The following CNST variants were observed in gnomAD, a reference collection of about 807,000 sequenced individuals.
The protein encoded by CNST is consortin.
Under a neutral mutation model 72.4 loss-of-function variants are expected in CNST, and 39 were observed. The observed-to-expected ratio is 0.54, with a 90% CI of 0.42 to 0.70. The LOEUF (loss-of-function observed/expected upper bound fraction) is 0.70. Ranked by LOEUF, CNST falls within the 30% of genes least tolerant of loss-of-function variation. CNST has a pLI of 0.00. For synonymous variants in CNST, 332 were observed against 320.1 expected, an observed-to-expected ratio of 1.04 and a Z score of -0.40; for missense variants, 871 against 868.5, an observed-to-expected ratio of 1.00 and a Z score of -0.04.
intron 1 of CNST, among the ~76,000 whole-genome samples, chr1:246,582,126 T>C (rs1660824011): frequency 6.6e-6 from 1 of 152,204 alleles, no homozygotes; most frequent in Non-Finnish European, 1.5e-5. Context: ...ATCCATATGC[T>C]AAGAGTTATC....
At chr1:246,661,176 G>A (rs977673554) in intron 10 of CNST, among the ~76,000 whole-genome samples, 1 of 151,426 alleles carries the variant, frequency 6.6e-6, no homozygotes, top group Non-Finnish European at 1.5e-5. Context: ...CACCATGTTG[G>A]TCAGGCTGGT....
At chr1:246,626,841 A>T (rs1401957419) in intron 3 of CNST, among the ~76,000 whole-genome samples, 1 of 151,938 alleles carries the variant, frequency 6.6e-6, no homozygotes, top group East Asian at 1.9e-4. Context: ...AGATGTACAA[A>T]CTCAAACTTT....
chr1:246,639,502 T>G (rs1447871545), intron 6 of CNST, among the ~76,000 whole-genome samples: 2 of 151,952 alleles, frequency 1.3e-5, no homozygotes, highest in Non-Finnish European at 2.9e-5. Flanking sequence ...TAGGCCTAGG[T>G]AGGTGACTGA....
intron 8 of CNST, among the ~76,000 whole-genome samples, chr1:246,646,205 G>A (rs959754860): frequency 2.0e-5 from 3 of 148,644 alleles, no homozygotes; most frequent in South Asian, 2.1e-4. Flanking sequence ...GTGTGAACCC[G>A]GGAGGCGGAG....
chr1:246,602,370 A>AC (rs1434178359), intron 2 of CNST, among the ~76,000 whole-genome samples: 2 of 152,154 alleles, frequency 1.3e-5, no homozygotes, highest in African/African-American at 4.8e-5. Flanking sequence ...ATGAGGTTGC[A>AC]GTCAAGGGTT....
Position 246,667,122 on chromosome 1 carries a change from A to G in CNST, c.*1217A>G, listed in dbSNP as rs1314239267. Reference sequence around the variant, plus strand: ...CCTTGCTTTGACTTTATCGGGCAGCATTAAAAAAAAAACAACAAAGAAAAA... The same window carrying G: ...CCTTGCTTTGACTTTATCGGGCAGCGTTAAAAAAAAAACAACAAAGAAAAA... On this transcript the variant is annotated 3_prime_UTR_variant, in exon 11 of 11. Coordinates refer to ENST00000366513, the MANE Select transcript of CNST (RefSeq NM_152609.3). 3.3e-5 allele frequency: 5 copies of G among 151,872 alleles called. No individual in the cohort carries two copies. The highest frequency in any genetic ancestry group is 2.6e-4 in the Admixed American group (4 of 15,244). 9.4% of individuals were successfully genotyped at this position (151,872 alleles called of 1,614,324 possible).
At chr1:246,582,800 G>T (rs972845252) in intron 1 of CNST, among the ~76,000 whole-genome samples, 1 of 152,170 alleles carries the variant, frequency 6.6e-6, no homozygotes, top group African/African-American at 2.4e-5. Flanking sequence ...CCTCAGGTAC[G>T]AGTAGAATGG....
At chr1:246,621,312 G>C in intron 2 of CNST, 117 bp from the exon 3 acceptor site, 2 of 748,696 alleles carry the variant, frequency 2.7e-6, no homozygotes, top group Admixed American at 2.0e-5. Context: ...TTACCTTCCT[G>C]TTCAGGTCTG....
intron 9 of CNST, among the ~76,000 whole-genome samples, chr1:246,653,552 G>A (rs191612578): frequency 1.3e-5 from 2 of 152,142 alleles, no homozygotes; most frequent in Non-Finnish European, 2.9e-5. Flanking sequence ...AACAATGGTT[G>A]GCCCAGAATT....
chr1:246,605,226 G>A (rs1662636563), intron 2 of CNST, among the ~76,000 whole-genome samples: 2 of 152,222 alleles, frequency 1.3e-5, no homozygotes, highest in South Asian at 4.1e-4. Flanking sequence ...GAATTTAATC[G>A]GATTTGAAAA....
In CNST at chr1:246,621,494, G is replaced by A. The variant is rs202075750; in HGVS notation, c.445G>A (p.Val149Ile). ...AGTACTAAGCGCAGTCACATATGCT[G>A]TTGATGATGAAGAAGCTGCTGAAGT... ...EKVLSAVTYAVDDEEAAEVNA... is the reference protein window; with the variant it reads ...EKVLSAVTYAIDDEEAAEVNA... Residue 149 changes from valine to isoleucine, a missense_variant, in exon 3 of 11, where the codon GTT (valine) becomes ATT (isoleucine). Val to Ile is a conservative substitution (Grantham distance 29). Transcript: ENST00000366513. 13 of 1,614,058 alleles carry A rather than the reference G, an allele frequency of 8.1e-6. No individual in the cohort carries two copies. The Middle Eastern group carries it at 6.6e-4, about 82-fold the overall frequency.
intron 1 of CNST, among the ~76,000 whole-genome samples, chr1:246,567,260 A>G (rs1034057599): frequency 4.6e-5 from 7 of 152,182 alleles, no homozygotes; most frequent in African/African-American, 1.7e-4. Context: ...TCCTTATGTA[A>G]ACTTAGTCAA....
intron 2 of CNST, among the ~76,000 whole-genome samples, chr1:246,612,740 A>G (rs1210295623): frequency 6.6e-6 from 1 of 152,008 alleles, no homozygotes; most frequent in South Asian, 2.1e-4. Context: ...ACATACAAAA[A>G]TTAGCCAGGG....
chr1:246,623,898 C>CAA (rs201954021), intron 3 of CNST, among the ~76,000 whole-genome samples: 60,752 of 138,470 alleles, frequency 0.44, 14,816 homozygotes, highest in Non-Finnish European at 0.54. Flanking sequence ...CTTGTCTCTA[C>CAA]AAAAAAAAAA....
In CNST at chr1:246,645,423, A is replaced by ATTTTT. The variant is rs762655117; in HGVS notation, c.938-1716_938-1715insTTTTT. Among the ~76,000 whole-genome samples the ATTTTT allele has an allele frequency of 1.5e-4, 16 of 106,070 alleles. 1 individual carries two copies. The highest frequency in any genetic ancestry group is 5.2e-4 in the African/African-American group (15 of 28,652). 69.6% of individuals were successfully genotyped at this position (106,070 alleles called of 152,430 possible). On this transcript the variant is annotated intron_variant, in intron 8 of 10. Transcript: ENST00000366513. ...AACATATTAGTATAAAAAGGTTAAA[A>ATTTTT]CTTTTTTTTTTTTTTTTTTTTTGAG...
In CNST at chr1:246,619,496, C is replaced by T. The variant is rs747970122; in HGVS notation, c.380-1933C>T. 1.8e-4 allele frequency among the ~76,000 whole-genome samples: 28 copies of T among 152,198 alleles called. 1 individual carries two copies. Among genetic ancestry groups the T allele is most frequent in the Non-Finnish European group, 4.0e-4 (27 of 68,010 alleles). ...ACTGGAATAACCCCTGTGCTGCCAGCGTTGATGTGAAATAGAAGATGACAT... is the reference window on the plus strand; with the variant it reads ...ACTGGAATAACCCCTGTGCTGCCAGTGTTGATGTGAAATAGAAGATGACAT... On this transcript the variant is annotated intron_variant, in intron 2 of 10. Transcript: ENST00000366513.
intron 8 of CNST, 93 bp downstream of exon 8, chr1:246,642,130 CTGG>C: frequency 1.9e-4 from 40 of 214,356 alleles, no homozygotes; most frequent in East Asian, 8.9e-4. Context: ...TGCAAAGGAT[CTGG>C]TTTTTTTTTT....
At chr1:246,641,891 A>G in intron 7 of CNST, 50 bp from the exon 8 acceptor site, 1 of 1,457,062 alleles carries the variant, frequency 6.9e-7, no homozygotes, top group South Asian at 1.2e-5. Context: ...TTCCTAGTTT[A>G]ATACAACAGT....
In CNST at chr1:246,660,349, A is replaced by G; in HGVS notation, c.1972+15A>G. 1 of 1,609,304 alleles carries G rather than the reference A, an allele frequency of 6.2e-7. No individual in the cohort carries two copies. The highest frequency in any genetic ancestry group is 1.3e-5 in the African/African-American group (1 of 74,702). Reference sequence around the variant, plus strand: ...CTTGGATCAAGGTAAACCGCTTGGCACTGTGGCTAGCAGGATAGATGCTCA... The same window carrying G: ...CTTGGATCAAGGTAAACCGCTTGGCGCTGTGGCTAGCAGGATAGATGCTCA... On this transcript the variant is annotated intron_variant, in intron 10 of 10. Coordinates refer to ENST00000366513, the MANE Select transcript of CNST (RefSeq NM_152609.3).
Sources: gnomAD v4.1 joint callset for allele counts (sites outside exome capture counted in the v4.1 genomes callset) on GRCh38, gnomAD v4.1.1 for gene constraint, MANE v1.5 for transcripts, NCBI Gene and HGNC (gene_info 2026-07-23, HGNC 2026-07-21) for gene names.